The following LHFPL6 variants were observed in gnomAD, a reference collection of about 807,000 sequenced individuals.
LHFPL6 encodes the protein LHFPL tetraspan subfamily member 6, also known as LHFPL tetraspan subfamily member 6 protein.
In LHFPL6, 9 loss-of-function variants were observed where a neutral mutation model predicts 20.6. That is an observed-to-expected ratio of 0.44 (90% CI 0.26 to 0.76). The LOEUF (loss-of-function observed/expected upper bound fraction) is 0.76, where lower values mean the gene tolerates loss of function less well. Ranked by LOEUF, LHFPL6 falls within the 30% of genes least tolerant of loss-of-function variation. LHFPL6 has a pLI of 0.20. For synonymous variants in LHFPL6, 105 were observed against 98.7 expected, an observed-to-expected ratio of 1.06 and a Z score of -0.38; for missense variants, 218 against 253.5, an observed-to-expected ratio of 0.86 and a Z score of 0.95.
At chr13:39,541,313 C>T (rs1167677486) in intron 2 of LHFPL6, among the ~76,000 whole-genome samples, 1 of 152,100 alleles carries the variant, frequency 6.6e-6, no homozygotes, top group African/African-American at 2.4e-5. Flanking sequence ...CATGTTTGCT[C>T]TTTATGAAAA....
intron 2 of LHFPL6, among the ~76,000 whole-genome samples, chr13:39,390,422 C>G (rs1468820462): frequency 1.3e-5 from 2 of 151,934 alleles, no homozygotes; most frequent in Admixed American, 1.3e-4. Flanking sequence ...TGCTTAAGCA[C>G]AGGGGTTCAA....
chr13:39,551,952 C>T (rs935521100), intron 2 of LHFPL6, among the ~76,000 whole-genome samples: 2 of 152,090 alleles, frequency 1.3e-5, no homozygotes, highest in East Asian at 1.9e-4. Flanking sequence ...CTAAAAGTTT[C>T]GACTGAATAA....
intron 2 of LHFPL6, among the ~76,000 whole-genome samples, chr13:39,405,182 G>C (rs1004642824): frequency 6.6e-6 from 1 of 151,582 alleles, no homozygotes; most frequent in African/African-American, 2.4e-5. Context: ...GAGTGAAACT[G>C]AGCATGGACG....
intron 2 of LHFPL6, among the ~76,000 whole-genome samples, chr13:39,551,322 T>C (rs78967379): frequency 0.017 from 2,637 of 152,084 alleles, 92 homozygotes; most frequent in African/African-American, 0.061. Context: ...AGGGACCAGA[T>C]TCACTTTATA....
chr13:39,523,166 G>A lies in LHFPL6; in HGVS notation c.385+77666C>T, dbSNP rs890480039. On this transcript the variant is annotated intron_variant, in intron 2 of 3. Transcript: ENST00000379589. Reference sequence around the variant, plus strand: ...TTACGACTGATACATGTAATGTGCCGGTTTATGCAGAAAGCATGTGGTCTC... The same window carrying A: ...TTACGACTGATACATGTAATGTGCCAGTTTATGCAGAAAGCATGTGGTCTC... Among the ~76,000 whole-genome samples, 5 of 152,090 alleles carry A rather than the reference G, an allele frequency of 3.3e-5. No individual in the cohort carries two copies. In the East Asian group the frequency reaches 5.8e-4, roughly 18 times the overall value.
chr13:39,555,725 A>G (rs1297940016), intron 2 of LHFPL6, among the ~76,000 whole-genome samples: 1 of 152,266 alleles, frequency 6.6e-6, no homozygotes, highest in African/African-American at 2.4e-5. Flanking sequence ...ATAATTTTGA[A>G]AGATTTTTAA....
chr13:39,550,434 T>C (rs892004388), intron 2 of LHFPL6, among the ~76,000 whole-genome samples: 4 of 152,138 alleles, frequency 2.6e-5, no homozygotes, highest in Non-Finnish European at 1.5e-5. Flanking sequence ...CTTTTAAATA[T>C]CTGTATACAC....
At chr13:39,490,608 TGTA>T (rs1868894769) in intron 2 of LHFPL6, among the ~76,000 whole-genome samples, 1 of 152,222 alleles carries the variant, frequency 6.6e-6, no homozygotes, top group African/African-American at 2.4e-5. Flanking sequence ...TCTGTGGCCA[TGTA>T]ATCAGCTGTA....
At chr13:39,562,441 T>TATATACAC (rs1555268246) in intron 2 of LHFPL6, among the ~76,000 whole-genome samples, 41 of 99,162 alleles carry the variant, frequency 4.1e-4, no homozygotes, top group Admixed American at 9.2e-4. Flanking sequence ...CATATATACA[T>TATATACAC]ATATACACAT....
At chr13:39,433,391 C>A (rs1352036555) in intron 2 of LHFPL6, among the ~76,000 whole-genome samples, 1 of 152,172 alleles carries the variant, frequency 6.6e-6, no homozygotes, top group Non-Finnish European at 1.5e-5. Context: ...GATAGATGCA[C>A]ATGTGCAATT....
intron 2 of LHFPL6, among the ~76,000 whole-genome samples, chr13:39,412,673 C>T (rs1442651962): frequency 1.3e-5 from 2 of 152,180 alleles, no homozygotes; most frequent in African/African-American, 4.8e-5. Flanking sequence ...GCCTGTAATC[C>T]CAGCACTTTG....
intron 2 of LHFPL6, among the ~76,000 whole-genome samples, chr13:39,536,294 G>A (rs1870616482): frequency 6.6e-6 from 1 of 152,180 alleles, no homozygotes; most frequent in Admixed American, 6.5e-5. Context: ...CAGAGAAGGA[G>A]GAGTCATACC....
At chr13:39,349,316 T>C (rs1404846406) in intron 3 of LHFPL6, among the ~76,000 whole-genome samples, 1 of 150,900 alleles carries the variant, frequency 6.6e-6, no homozygotes. Flanking sequence ...TACATATGCA[T>C]ACATGTCTTT....
chr13:39,405,864 T>C (rs956010341), intron 2 of LHFPL6, among the ~76,000 whole-genome samples: 1 of 152,056 alleles, frequency 6.6e-6, no homozygotes, highest in Non-Finnish European at 1.5e-5. Flanking sequence ...TTAGTCCGAG[T>C]TGCTCGAGGG....
intron 2 of LHFPL6, among the ~76,000 whole-genome samples, chr13:39,436,349 CCT>C (rs1871956252): frequency 6.6e-6 from 1 of 152,040 alleles, no homozygotes; most frequent in African/African-American, 2.4e-5. Flanking sequence ...TTTTTGATGT[CCT>C]GTTAAAATTT....
At chr13:39,368,643 T>C (rs969650820) in intron 3 of LHFPL6, among the ~76,000 whole-genome samples, 6 of 152,162 alleles carry the variant, frequency 3.9e-5, no homozygotes, top group Non-Finnish European at 7.4e-5. Flanking sequence ...CTGAAGATTG[T>C]TCCTTCATAG....
chr13:39,538,833 A>C (rs140107185), intron 2 of LHFPL6, among the ~76,000 whole-genome samples: 1 of 152,218 alleles, frequency 6.6e-6, no homozygotes, highest in African/African-American at 2.4e-5. Flanking sequence ...AAATGTAAGG[A>C]TACCTGCAAT....
At chr13:39,543,942 A>G (rs1330293192) in intron 2 of LHFPL6, among the ~76,000 whole-genome samples, 1 of 152,208 alleles carries the variant, frequency 6.6e-6, no homozygotes, top group Non-Finnish European at 1.5e-5. Flanking sequence ...GATTATGAAA[A>G]CAGTTTACCT....
chr13:39,538,332 G>A (rs1467504610), intron 2 of LHFPL6, among the ~76,000 whole-genome samples: 7 of 150,964 alleles, frequency 4.6e-5, no homozygotes, highest in African/African-American at 1.7e-4. Flanking sequence ...TAAGCTAATG[G>A]TCAAATTTAG....
Sources: gnomAD v4.1 joint callset for allele counts (sites outside exome capture counted in the v4.1 genomes callset) on GRCh38, gnomAD v4.1.1 for gene constraint, MANE v1.5 for transcripts, NCBI Gene and HGNC (gene_info 2026-07-23, HGNC 2026-07-21) for gene names.